The following TENM3 variants were observed in gnomAD, a reference collection of about 807,000 sequenced individuals.
TENM3 encodes the protein teneurin-3.
Under a neutral mutation model 255.1 loss-of-function variants are expected in TENM3, and 63 were observed. That is an observed-to-expected ratio of 0.25 (90% CI 0.20 to 0.30). The LOEUF (loss-of-function observed/expected upper bound fraction) is 0.30. TENM3 is among the 10% of genes least tolerant of loss of function. TENM3 has a pLI of 1.00. For missense variants in TENM3, 2,929 were observed against 3,461.1 expected, an observed-to-expected ratio of 0.85 and a Z score of 3.86; for synonymous variants, 1,306 against 1,322.3, an observed-to-expected ratio of 0.99 and a Z score of 0.27.
chr4:182,153,039 G>T (rs1407690521), intron 1 of TENM3, among the ~76,000 whole-genome samples: 2 of 151,600 alleles, frequency 1.3e-5, no homozygotes, highest in African/African-American at 4.8e-5. Flanking sequence ...ATCTACACTT[G>T]GGCTTTTATC....
chr4:182,688,416 T>G (rs1756760755), intron 12 of TENM3, 65 bp downstream of exon 12: 4 of 1,305,200 alleles, frequency 3.1e-6, no homozygotes, highest in Non-Finnish European at 4.0e-6. Flanking sequence ...CGGTCAGCTG[T>G]TTTCAACTTG....
the TENM3 span, among the ~76,000 whole-genome samples, chr4:181,925,146 C>G: frequency 6.6e-6 from 1 of 152,098 alleles, no homozygotes; most frequent in Non-Finnish European, 1.5e-5. Context: ...TATTAAGAAG[C>G]ATGGTTGATT....
At chr4:182,584,318 C>G (rs1446208501) in intron 3 of TENM3, among the ~76,000 whole-genome samples, 1 of 152,206 alleles carries the variant, frequency 6.6e-6, no homozygotes, top group Non-Finnish European at 1.5e-5. Flanking sequence ...CTAAAGACAT[C>G]TATCTTAATC....
At chr4:182,370,365 G>C (rs887140506) in intron 3 of TENM3, among the ~76,000 whole-genome samples, 1 of 152,114 alleles carries the variant, frequency 6.6e-6, no homozygotes, top group East Asian at 1.9e-4. Flanking sequence ...CGCCTACAGA[G>C]CTATTCTTTT....
At chr4:182,607,324 A>G (rs1560994578) in intron 4 of TENM3, among the ~76,000 whole-genome samples, 1 of 152,160 alleles carries the variant, frequency 6.6e-6, no homozygotes, top group Middle Eastern at 3.2e-3. Context: ...AAATTAAACC[A>G]TGGTTAATTT....
intron 3 of TENM3, 96 bp downstream of exon 3, chr4:182,347,025 C>A: frequency 9.8e-7 from 1 of 1,017,438 alleles, no homozygotes; most frequent in Non-Finnish European, 1.4e-6. Context: ...TCTCTCCTTC[C>A]TCTCATCCTT....
At chr4:182,765,067 A>G (rs1336871633) in intron 22 of TENM3, among the ~76,000 whole-genome samples, 3 of 152,172 alleles carry the variant, frequency 2.0e-5, no homozygotes, top group African/African-American at 7.2e-5. Context: ...AGGTTGATCA[A>G]CAAAAGATGA....
At chr4:182,331,922 C>T (rs992852437) in intron 2 of TENM3, among the ~76,000 whole-genome samples, 40 of 152,286 alleles carry the variant, frequency 2.6e-4, no homozygotes, top group African/African-American at 7.7e-4. Context: ...TTTTGATTCA[C>T]TTCTTTTAGA....
chr4:182,551,147 G>A (rs1420898085), intron 3 of TENM3, among the ~76,000 whole-genome samples: 3 of 151,464 alleles, frequency 2.0e-5, no homozygotes, highest in South Asian at 4.2e-4. Flanking sequence ...GCTTGAACCC[G>A]GGAGGTGGAG....
the TENM3 span, among the ~76,000 whole-genome samples, chr4:181,801,976 A>C: frequency 6.6e-6 from 1 of 152,166 alleles, no homozygotes; most frequent in East Asian, 1.9e-4. Flanking sequence ...TTTAAAATGT[A>C]CCTTCTATTG....
intron 3 of TENM3, among the ~76,000 whole-genome samples, chr4:182,466,559 T>G (rs1732612960): frequency 6.6e-6 from 1 of 151,994 alleles, no homozygotes; most frequent in South Asian, 2.1e-4. Flanking sequence ...TCTTGACTCC[T>G]GGGCTCAAGC....
chr4:181,880,687 T>C, the TENM3 span, among the ~76,000 whole-genome samples: 63 of 152,296 alleles, frequency 4.1e-4, no homozygotes, highest in African/African-American at 1.5e-3. Context: ...AAAAAAATTA[T>C]TTGGTAAGCT....
intron 2 of TENM3, among the ~76,000 whole-genome samples, chr4:182,337,528 A>G (rs901895803): frequency 7.2e-5 from 11 of 152,336 alleles, no homozygotes; most frequent in Non-Finnish European, 1.6e-4. Context: ...GCTAAAATTA[A>G]AAAAGACCCA....
Position 182,319,443 on chromosome 4 carries a change from C to T in TENM3, c.-75-4503C>T, listed in dbSNP as rs1050854941. On this transcript the variant is annotated intron_variant, in intron 1 of 27. Coordinates refer to ENST00000511685, the MANE Select transcript of TENM3 (RefSeq NM_001080477.4). ...ATCCTCGAAGAGTTTGAACTATGTA[C>T]GAAAATGAAAAGGAGATACAGAGGA... Among the ~76,000 whole-genome samples the T allele has an allele frequency of 5.3e-5, 8 of 152,166 alleles. No individual in the cohort carries two copies. In the East Asian group the frequency reaches 9.7e-4, roughly 18 times the overall value.
At chr4:181,973,738 G>A in the TENM3 span, among the ~76,000 whole-genome samples, 48 of 152,308 alleles carry the variant, frequency 3.2e-4, no homozygotes, top group Non-Finnish European at 4.4e-4. Context: ...TCCAGCCTGG[G>A]TGACAGAGCC....
the TENM3 span, among the ~76,000 whole-genome samples, chr4:181,577,814 A>T: frequency 6.6e-6 from 1 of 152,000 alleles, no homozygotes; most frequent in East Asian, 1.9e-4. Flanking sequence ...TACCAATGTG[A>T]TCTAATTTTT....
chr4:181,729,028 C>T, the TENM3 span, among the ~76,000 whole-genome samples: 1 of 152,196 alleles, frequency 6.6e-6, no homozygotes, highest in South Asian at 2.1e-4. Flanking sequence ...ATGCAAAACA[C>T]TGTGAACACT....
the TENM3 span, among the ~76,000 whole-genome samples, chr4:182,112,094 G>A: frequency 3.2e-4 from 48 of 152,270 alleles, no homozygotes; most frequent in African/African-American, 9.6e-4. Flanking sequence ...GTTCCAGGCC[G>A]CAGTGAGCTA....
At chr4:182,178,877 A>T (rs1423048189) in intron 1 of TENM3, among the ~76,000 whole-genome samples, 2 of 152,216 alleles carry the variant, frequency 1.3e-5, no homozygotes, top group African/African-American at 4.8e-5. Flanking sequence ...ACCTGTATAC[A>T]TCTGTAAATT....
Sources: allele counts gnomAD v4.1 joint callset (sites outside exome capture counted in the v4.1 genomes callset), GRCh38; gene constraint gnomAD v4.1.1; transcripts MANE v1.5; gene names NCBI Gene and HGNC (gene_info 2026-07-23, HGNC 2026-07-21).